The following MARCHF6 variants were observed in gnomAD, a reference collection of about 807,000 sequenced individuals.
MARCHF6 encodes the protein membrane associated ring-CH-type finger 6.
In MARCHF6, 31 loss-of-function variants were observed where a neutral mutation model predicts 133.7. The observed-to-expected ratio is 0.23, with a 90% CI of 0.17 to 0.31. The LOEUF (loss-of-function observed/expected upper bound fraction) is 0.31, where lower values mean the gene tolerates loss of function less well. MARCHF6 is among the 10% of genes least tolerant of loss of function. MARCHF6 has a pLI of 1.00. For synonymous variants in MARCHF6, 395 were observed against 402.5 expected (o/e 0.98, Z 0.22); for missense variants, 723 against 1,121.6 (o/e 0.64, Z 5.08).
intron 17 of MARCHF6, among the ~76,000 whole-genome samples, chr5:10,408,768 A>G (rs539008132): frequency 3.9e-5 from 6 of 152,142 alleles, no homozygotes; most frequent in African/African-American, 1.4e-4. Flanking sequence ...TGAATTCCTG[A>G]GCTTGAACCA....
intron 1 of MARCHF6, 86 bp downstream of exon 1, chr5:10,354,003 T>A: frequency 7.3e-7 from 1 of 1,362,584 alleles, no homozygotes; most frequent in Non-Finnish European, 9.7e-7. Context: ...CGAGGTGGGC[T>A]GCTGGATCGC....
intron 1 of MARCHF6, among the ~76,000 whole-genome samples, chr5:10,371,858 G>T (rs1736487841): frequency 6.6e-6 from 1 of 151,998 alleles, no homozygotes; most frequent in Non-Finnish European, 1.5e-5. Flanking sequence ...CATGCAAGTT[G>T]CTGCTGGCTG....
Position 10,395,831 on chromosome 5 carries a change from A to G in MARCHF6, c.861+1046A>G, listed in dbSNP as rs1738157297. Among the ~76,000 whole-genome samples the G allele has an allele frequency of 2.0e-5, 3 of 152,316 alleles. No homozygotes were observed. The Middle Eastern group carries it at 0.01, about 518-fold the overall frequency. On this transcript the variant is annotated intron_variant, in intron 9 of 25. Coordinates refer to ENST00000274140, the MANE Select transcript of MARCHF6 (RefSeq NM_005885.4). ...GGCTCCAGATGTTAACCAGAAGAGG[A>G]TGTTGAATTTAGCAGTTGTGTAGGT...
Position 10,353,786 on chromosome 5 carries a change from C to A in MARCHF6, c.-113C>A. The A allele has an allele frequency of 1.1e-6, 1 of 909,256 alleles. No homozygotes were observed. The highest frequency in any genetic ancestry group is 1.5e-5 in the South Asian group (1 of 68,428). 56.3% of individuals were successfully genotyped at this position (909,256 alleles called of 1,614,324 possible). The stretch of plus-strand genomic sequence containing the variant: ...CTCCTTCCTCTCGCTTCCTCTCTCG[C>A]ACCTGAGCGTACGCACCTGCCCGGG... On this transcript the variant is annotated 5_prime_UTR_variant, in exon 1 of 26. Transcript: ENST00000274140.
chr5:10,378,285 C>T (rs905493777), intron 2 of MARCHF6, among the ~76,000 whole-genome samples: 6 of 152,160 alleles, frequency 3.9e-5, no homozygotes, highest in Non-Finnish European at 7.4e-5. Context: ...TACATCTCAA[C>T]TCATTTTTAA....
intron 9 of MARCHF6, 126 bp downstream of exon 9, chr5:10,394,911 T>G (rs1009722242): frequency 1.7e-6 from 1 of 577,100 alleles, no homozygotes; most frequent in Non-Finnish European, 3.0e-6. Flanking sequence ...GCCATTCTCC[T>G]GCCTCAGCTT....
chr5:10,427,341 A>T (rs981046773), intron 24 of MARCHF6, among the ~76,000 whole-genome samples: 1 of 152,176 alleles, frequency 6.6e-6, no homozygotes, highest in Non-Finnish European at 1.5e-5. Context: ...CAAAAGAATG[A>T]ATCTCATTGT....
intron 18 of MARCHF6, among the ~76,000 whole-genome samples, 175 bp from the exon 19 acceptor site, chr5:10,411,158 G>T (rs973944183): frequency 6.6e-6 from 1 of 152,240 alleles, no homozygotes; most frequent in South Asian, 2.1e-4. Context: ...CATTAGAAAG[G>T]TTTGATTTAA....
chr5:10,381,663 G>T (rs1247549530), intron 3 of MARCHF6, 137 bp from the exon 4 acceptor site: 10 of 633,918 alleles, frequency 1.6e-5, no homozygotes, highest in Non-Finnish European at 2.3e-5. Flanking sequence ...ATAACTATTT[G>T]GTTTATTTTT....
rs1041569913 is a variant in MARCHF6, at chr5:10,414,465, A to G, written c.1929A>G (p.Thr643=). 6.2e-7 allele frequency: 1 copy of G among 1,613,632 alleles called. No individual in the cohort carries two copies. The highest frequency in any genetic ancestry group is 8.5e-7 in the Non-Finnish European group (1 of 1,179,752). ...IFLLIVFMCI[T]LLIASLICLT... is the part of the protein sequence containing the mutation. ...TGTTGATTGTCTTCATGTGTATAAC[A>G]TTACTGATTGCCAGCCTCATCTGCC... Residue 643 remains threonine, a synonymous_variant, in exon 20 of 26, where the codon ACA becomes ACG. Coordinates refer to ENST00000274140, the MANE Select transcript of MARCHF6 (RefSeq NM_005885.4).
At chr5:10,402,495 C>T (rs1738604770) in intron 13 of MARCHF6, 38 bp from the exon 14 acceptor site, 1 of 1,611,630 alleles carries the variant, frequency 6.2e-7, no homozygotes, top group South Asian at 1.1e-5. Flanking sequence ...ATTTCTCCTA[C>T]ATTTGGGTGA....
At chr5:10,361,647 C>T (rs761182094) in intron 1 of MARCHF6, among the ~76,000 whole-genome samples, 1 of 152,130 alleles carries the variant, frequency 6.6e-6, no homozygotes, top group African/African-American at 2.4e-5. Flanking sequence ...GGCTTCAACA[C>T]GTGAATTACG....
chr5:10,386,820 T>G, intron 4 of MARCHF6, 174 bp from the exon 5 acceptor site: 1 of 523,870 alleles, frequency 1.9e-6, no homozygotes, highest in South Asian at 2.7e-5. Flanking sequence ...TGTCACTATA[T>G]TTGTGCTTGA....
chr5:10,353,954 C>G, intron 1 of MARCHF6, 37 bp downstream of exon 1: 1 of 1,533,364 alleles, frequency 6.5e-7, no homozygotes, highest in Non-Finnish European at 8.7e-7. Flanking sequence ...GCCCTTGCGT[C>G]GGCGCCCGGG....
At chr5:10,384,918 AT>A (rs1033039423) in intron 4 of MARCHF6, among the ~76,000 whole-genome samples, 32 of 152,226 alleles carry the variant, frequency 2.1e-4, no homozygotes, top group African/African-American at 7.7e-4. Context: ...CAGCAGTTTT[AT>A]TAATAGTACT....
chr5:10,378,684 AAAC>A, intron 2 of MARCHF6, 72 bp from the exon 3 acceptor site: 1 of 937,488 alleles, frequency 1.1e-6, no homozygotes, highest in Non-Finnish European at 1.6e-6. Context: ...TTTTTAATAA[AAAC>A]AATGTTTTCG....
At chr5:10,424,271 A>G (rs913540099) in intron 23 of MARCHF6, among the ~76,000 whole-genome samples, 7 of 152,156 alleles carry the variant, frequency 4.6e-5, no homozygotes, top group Admixed American at 3.3e-4. Flanking sequence ...AAATTGGCAG[A>G]TGCGGCTCCT....
chr5:10,365,611 CTG>C (rs2126656489), intron 1 of MARCHF6, among the ~76,000 whole-genome samples: 1 of 152,218 alleles, frequency 6.6e-6, no homozygotes, highest in African/African-American at 2.4e-5. Flanking sequence ...AATTTTTAAA[CTG>C]TGTTTGCAAG....
intron 14 of MARCHF6, among the ~76,000 whole-genome samples, chr5:10,402,979 TCA>T (rs1738635789): frequency 6.6e-6 from 1 of 152,212 alleles, no homozygotes; most frequent in Non-Finnish European, 1.5e-5. Flanking sequence ...ACTAATATGC[TCA>T]GTCTTGATTA....
Sources: gnomAD v4.1 joint callset for allele counts (sites outside exome capture counted in the v4.1 genomes callset) on GRCh38, gnomAD v4.1.1 for gene constraint, MANE v1.5 for transcripts, NCBI Gene and HGNC (gene_info 2026-07-23, HGNC 2026-07-21) for gene names.